ZC3HAV1L: variants seen among roughly 807,000 people sequenced by gnomAD.
ZC3HAV1L encodes ZC3HAV1 like, also known as zinc finger CCCH-type antiviral protein 1-like.
Under a neutral mutation model 28.2 loss-of-function variants are expected in ZC3HAV1L, and 23 were observed. The observed-to-expected ratio is 0.82, with a 90% CI of 0.59 to 1.16. The LOEUF (loss-of-function observed/expected upper bound fraction) is 1.16, where lower values mean the gene tolerates loss of function less well. Ranked by LOEUF, ZC3HAV1L falls within the 50% of genes most tolerant of loss-of-function variation. The probability of loss-of-function intolerance (pLI) is 0.00; values close to 1 mark genes in which losing one functional copy is unlikely to be tolerated. For synonymous variants in ZC3HAV1L, 180 were observed against 163.4 expected, an observed-to-expected ratio of 1.10 and a Z score of -0.78; for missense variants, 376 against 387.7, an observed-to-expected ratio of 0.97 and a Z score of 0.25.
chr7:139,034,287 G>C (rs1289786951), intron 2 of ZC3HAV1L, among the ~76,000 whole-genome samples: 1 of 152,118 alleles, frequency 6.6e-6, no homozygotes, highest in Non-Finnish European at 1.5e-5. Context: ...CTTTTAATTG[G>C]TGGTCTTAAT....
chr7:139,035,502 G>A, intron 1 of ZC3HAV1L, 151 bp downstream of exon 1: 4 of 1,303,388 alleles, frequency 3.1e-6, no homozygotes, highest in Non-Finnish European at 3.9e-6. Context: ...GGGGGAGGAC[G>A]CCCAGGAAAG....
chr7:139,032,452 G>A (rs1006531807), intron 2 of ZC3HAV1L, among the ~76,000 whole-genome samples: 1 of 151,690 alleles, frequency 6.6e-6, no homozygotes, highest in South Asian at 2.1e-4. Context: ...GGCTAACAAG[G>A]TGAAACCCCA....
intron 2 of ZC3HAV1L, among the ~76,000 whole-genome samples, chr7:139,033,367 A>T (rs1445085926): frequency 6.6e-6 from 1 of 152,226 alleles, no homozygotes; most frequent in Non-Finnish European, 1.5e-5. Context: ...AAATTTGTCC[A>T]TCAATGCACC....
At position 139,035,905 on chromosome 7, in the gene ZC3HAV1L, C is replaced by G; in HGVS notation, c.113G>C (p.Arg38Pro). The change falls in exon 1 of 5, where the codon CGG becomes CCG. Residue 38 changes from arginine (R) to proline (P), a missense_variant. Coordinates refer to ENST00000275766, the MANE Select transcript of ZC3HAV1L (RefSeq NM_080660.4). ...GGGCCCGGCGCGCTGCAGCACGTCC[C>G]GGAGCCTGGCCTCCGACAGCTCCAC... ...GHVELSEARL[R>P]DVLQRAGPER... 2 of 1,513,946 alleles carry G rather than the reference C, an allele frequency of 1.3e-6. No homozygotes were observed. Among genetic ancestry groups the G allele is most frequent in the Non-Finnish European group, 1.8e-6 (2 of 1,138,734 alleles). 93.8% of individuals were successfully genotyped at this position (1,513,946 alleles called of 1,614,324 possible).
At chr7:139,031,583 C>T (rs1815533734) in intron 2 of ZC3HAV1L, among the ~76,000 whole-genome samples, 1 of 151,078 alleles carries the variant, frequency 6.6e-6, no homozygotes, top group South Asian at 2.1e-4. Context: ...AAGACTCTGT[C>T]TACAAAACAA....
chr7:139,033,449 A>G (rs1200981158), intron 2 of ZC3HAV1L, among the ~76,000 whole-genome samples: 1 of 152,174 alleles, frequency 6.6e-6, no homozygotes, highest in South Asian at 2.1e-4. Context: ...GGCATTTCAT[A>G]CAAGAGATGT....
At position 139,033,144 on chromosome 7, in the gene ZC3HAV1L, G is replaced by A. The variant is rs115260717; in HGVS notation, c.501+1399C>T. 3.2e-3 allele frequency among the ~76,000 whole-genome samples: 484 copies of A among 152,134 alleles called. 4 individuals are homozygous for A. The highest frequency in any genetic ancestry group is 0.011 in the African/African-American group (452 of 41,496). On this transcript the variant is annotated intron_variant, in intron 2 of 4. Transcript: ENST00000275766. ...GAATCACTTGAACTCAGGAGGCAGA[G>A]GCTACAGTGAGCCGAGGTACTTCCA...
Position 139,028,897 on chromosome 7 carries a change from T to G in ZC3HAV1L, c.565A>C (p.Asn189His). 1 of 1,614,246 alleles carries G rather than the reference T, an allele frequency of 6.2e-7. No individual in the cohort carries two copies. Among genetic ancestry groups the G allele is most frequent in the Non-Finnish European group, 8.5e-7 (1 of 1,180,050 alleles). ...YGYCNLKDKC[N>H]KFHVCKSFVK... ...AAGGATTTGCACACATGAAACTTGT[T>G]GCATTTATCCTTGAGGTTGCAGTAG... is the stretch of plus-strand genomic sequence containing the variant. Residue 189 changes from asparagine (N) to histidine (H), a missense_variant, in exon 3 of 5, where the codon AAC (asparagine) becomes CAC (histidine). Asn to His is a moderately conservative substitution (Grantham distance 68, BLOSUM62 1). Coordinates refer to ENST00000275766, the MANE Select transcript of ZC3HAV1L (RefSeq NM_080660.4).
chr7:139,028,958 G>A lies in ZC3HAV1L; in HGVS notation c.504C>T (p.Val168=), dbSNP rs138293286. ...CTTCCCCTTTGTTGTAGAGCAAACA[G>A]ACCTGGTACAGAAATGAGGGAACAC... ...LQNDPCLLPE[V]CLLYNKGEAL... The change falls in exon 3 of 5, where the codon GTC becomes GTT. Residue 168 remains valine, a splice_region_variant and synonymous_variant. Coordinates refer to ENST00000275766, the MANE Select transcript of ZC3HAV1L (RefSeq NM_080660.4). 5.1e-5 allele frequency: 82 copies of A among 1,611,256 alleles called. No homozygotes were observed. In the African/African-American group the frequency reaches 1.1e-3, roughly 21 times the overall value.
chr7:139,033,878 C>T, intron 2 of ZC3HAV1L: 1 of 985,436 alleles, frequency 1.0e-6, no homozygotes, highest in Non-Finnish European at 1.2e-6. Flanking sequence ...CCTGCTTCAG[C>T]TACTGCTTGC....
chr7:139,035,112 G>A lies in ZC3HAV1L; in HGVS notation c.366-434C>T, dbSNP rs528217023. ...CAGCCTGGGGTCAGGAGGCAGCCCC[G>A]AACCCCAGCTCTGGCAGTCAGGAAC... On this transcript the variant is annotated intron_variant, in intron 1 of 4. Transcript: ENST00000275766. 1.4e-5 allele frequency: 14 copies of A among 985,438 alleles called. No homozygotes were observed. In the South Asian group the frequency reaches 2.8e-4, roughly 20 times the overall value. 61.0% of individuals were successfully genotyped at this position (985,438 alleles called of 1,614,324 possible).
intron 2 of ZC3HAV1L, among the ~76,000 whole-genome samples, chr7:139,030,375 G>A (rs1815489128): frequency 6.6e-6 from 1 of 152,132 alleles, no homozygotes; most frequent in Non-Finnish European, 1.5e-5. Flanking sequence ...AACCGGGGAG[G>A]TGGAGGTTGC....
intron 1 of ZC3HAV1L, 102 bp downstream of exon 1, chr7:139,035,551 C>T (rs1815681845): frequency 2.3e-6 from 3 of 1,326,350 alleles, no homozygotes; most frequent in South Asian, 4.1e-5. Flanking sequence ...CGTCCCCGGC[C>T]CGGGGCAGGA....
intron 1 of ZC3HAV1L, chr7:139,035,388 G>C: frequency 1.0e-6 from 1 of 985,416 alleles, no homozygotes; most frequent in Non-Finnish European, 1.2e-6. Flanking sequence ...GCGTCGCGCA[G>C]GATCCGGGGG....
intron 2 of ZC3HAV1L, among the ~76,000 whole-genome samples, chr7:139,031,395 A>G (rs12532620): frequency 0.49 from 73,681 of 151,838 alleles, 18,359 homozygotes; most frequent in Non-Finnish European, 0.52. Flanking sequence ...GATCAGCCTG[A>G]GCAACATGGT....
At position 139,034,819 on chromosome 7, in the gene ZC3HAV1L, T is replaced by A. The variant is rs146088782; in HGVS notation, c.366-141A>T. On this transcript the variant is annotated intron_variant, in intron 1 of 4. Coordinates refer to ENST00000275766, the MANE Select transcript of ZC3HAV1L (RefSeq NM_080660.4). ...TGAAACCGGGGATAGTATGGCCTAATAAGCACTGATGGAAAATAAGAAAAT... is the reference window on the plus strand; with the variant it reads ...TGAAACCGGGGATAGTATGGCCTAAAAAGCACTGATGGAAAATAAGAAAAT... The A allele has an allele frequency of 2.1e-4, 300 of 1,409,006 alleles. 5 individuals carry two copies. In the East Asian group the frequency reaches 7.4e-3, roughly 35 times the overall value. The allele number at this position is 1,409,006 out of a possible 1,614,324, so 87.3% of individuals were successfully genotyped here. A position where few individuals can be genotyped will look rare whatever the true frequency, so the allele number is the denominator to read the frequency against.
At chr7:139,029,858 T>C (rs1168705760) in intron 2 of ZC3HAV1L, among the ~76,000 whole-genome samples, 2 of 152,176 alleles carry the variant, frequency 1.3e-5, no homozygotes, top group African/African-American at 4.8e-5. Flanking sequence ...GGGAGCACTA[T>C]TAATAATCAC....
At chr7:139,024,667 C>G (rs566778038), downstream of ZC3HAV1L, among the ~76,000 whole-genome samples, 1 of 152,206 alleles carries the variant, frequency 6.6e-6, no homozygotes, top group Non-Finnish European at 1.5e-5. Flanking sequence ...GGAGAAAACA[C>G]AGCCATTTCT....
chr7:139,026,262 G>GAA lies in ZC3HAV1L; in HGVS notation c.*280_*281dup, dbSNP rs369793399. 17,140 of 372,804 alleles carry GAA rather than the reference G, an allele frequency of 0.046. 603 individuals carry two copies. Among genetic ancestry groups the GAA allele is most frequent in the African/African-American group, 0.14 (6,745 of 46,606 alleles). The allele number at this position is 372,804 out of a possible 1,614,324, so 23.1% of individuals were successfully genotyped here. ...AGATGCTTATGAGACAATATTAAGT[G>GAA]AAAAAAAAAAATGAGTGCAAAGTAC... On this transcript the variant is annotated 3_prime_UTR_variant, in exon 5 of 5. Transcript: ENST00000275766.
Sources: gnomAD v4.1 joint callset for allele counts (sites outside exome capture counted in the v4.1 genomes callset) on GRCh38, gnomAD v4.1.1 for gene constraint, MANE v1.5 for transcripts, NCBI Gene and HGNC (gene_info 2026-07-23, HGNC 2026-07-21) for gene names.